The following KIAA0825 variants were observed in gnomAD, a reference collection of about 807,000 sequenced individuals.
The protein encoded by KIAA0825 is uncharacterized protein KIAA0825.
KIAA0825 carries 119 observed loss-of-function variants against 147.6 expected under a neutral mutation model. The observed-to-expected ratio is 0.81, with a 90% CI of 0.69 to 0.94. The LOEUF (loss-of-function observed/expected upper bound fraction) is 0.94. KIAA0825 is among the 40% of genes least tolerant of loss of function. KIAA0825 has a pLI of 0.00. For synonymous variants in KIAA0825, 470 were observed against 518.1 expected (o/e 0.91, Z 1.26); for missense variants, 1,381 against 1,472.7 (o/e 0.94, Z 1.02).
rs184647023 is a variant in KIAA0825, at chr5:94,164,430, T to A, written c.3711-10306A>T. ...CAGTGAACTTATTTTTTTTTTTTTT[T>A]AGACAGAGTCTCACTCTGTTGCCCA... On this transcript the variant is annotated intron_variant, in intron 20 of 20. Coordinates refer to ENST00000682413, the MANE Select transcript of KIAA0825 (RefSeq NM_001145678.3). Among the ~76,000 whole-genome samples, 2 of 150,644 alleles carry A rather than the reference T, an allele frequency of 1.3e-5. 1 individual carries two copies. The highest frequency in any genetic ancestry group is 3.0e-5 in the Non-Finnish European group (2 of 67,346).
At position 94,532,059 on chromosome 5, in the gene KIAA0825, T is replaced by C. The variant is rs1344093848; in HGVS notation, c.131+4937A>G. Among the ~76,000 whole-genome samples, 6 of 152,232 alleles carry C rather than the reference T, an allele frequency of 3.9e-5. No homozygotes were observed. In the South Asian group the frequency reaches 1.2e-3, roughly 31 times the overall value. The stretch of plus-strand genomic sequence containing the variant: ...TTATATAAAAAATAAGTGTAATCTA[T>C]GGAATATGTACCATCTCATTAATAG... On this transcript the variant is annotated intron_variant, in intron 3 of 20. Transcript: ENST00000682413.
chr5:94,330,641 G>A (rs160275), intron 20 of KIAA0825, among the ~76,000 whole-genome samples: 30,128 of 151,878 alleles, frequency 0.2, 3,477 homozygotes, highest in Middle Eastern at 0.26. Context: ...CTAAGATTAT[G>A]ATATAAGAAA....
At chr5:94,519,845 T>C (rs1174455597) in intron 5 of KIAA0825, 2 of 632,404 alleles carry the variant, frequency 3.2e-6, no homozygotes, top group Non-Finnish European at 3.9e-6. Flanking sequence ...AATGTACATA[T>C]ATATAACTGA....
intron 5 of KIAA0825, among the ~76,000 whole-genome samples, chr5:94,512,693 A>G (rs1554297065): frequency 6.6e-6 from 1 of 151,936 alleles, no homozygotes; most frequent in Non-Finnish European, 1.5e-5. Context: ...CAGGAGTTTG[A>G]GACCAGCCTG....
intron 20 of KIAA0825, among the ~76,000 whole-genome samples, chr5:94,256,474 G>A (rs1459725042): frequency 6.6e-6 from 1 of 152,066 alleles, no homozygotes; most frequent in Non-Finnish European, 1.5e-5. Flanking sequence ...TTTGTTAAAA[G>A]CTAGAAAAAA....
rs367776110 is a variant in KIAA0825, at chr5:94,538,280, T to C, written c.-1-1153A>G. On this transcript the variant is annotated intron_variant, in intron 2 of 20. Transcript: ENST00000682413. ...CAAGGACAGAGTGTGAGCTATTTTA[T>C]TTAGGAATATCAGGGAAGGTCTCTG... is the stretch of plus-strand genomic sequence containing the variant. Among the ~76,000 whole-genome samples, 76 of 152,302 alleles carry C rather than the reference T, an allele frequency of 5.0e-4. No homozygotes were observed. In the South Asian group the frequency reaches 0.015, roughly 31 times the overall value.
intron 20 of KIAA0825, among the ~76,000 whole-genome samples, chr5:94,297,792 C>G (rs1218878207): frequency 6.6e-6 from 1 of 151,614 alleles, no homozygotes; most frequent in Non-Finnish European, 1.5e-5. Flanking sequence ...GATAAGGTTT[C>G]ACTATGTTGG....
intron 20 of KIAA0825, among the ~76,000 whole-genome samples, chr5:94,307,663 TTTC>T (rs1414060047): frequency 1.3e-5 from 2 of 151,700 alleles, no homozygotes; most frequent in African/African-American, 4.8e-5. Flanking sequence ...CTAGATGAAG[TTTC>T]TTCCTTCAAA....
At position 94,158,002 on chromosome 5, in the gene KIAA0825, T is replaced by G. The variant is rs529431771; in HGVS notation, c.3711-3878A>C. Among the ~76,000 whole-genome samples, 5 of 152,312 alleles carry G rather than the reference T, an allele frequency of 3.3e-5. No homozygotes were observed. The South Asian group carries it at 1.0e-3, about 32-fold the overall frequency. On this transcript the variant is annotated intron_variant, in intron 20 of 20. Coordinates refer to ENST00000682413, the MANE Select transcript of KIAA0825 (RefSeq NM_001145678.3). Reference sequence around the variant, plus strand: ...TGTGAGGTGTTTGAGGCATTTACCCTTCCTTTTACTAGGAGAAAAACATTT... The same window carrying G: ...TGTGAGGTGTTTGAGGCATTTACCCGTCCTTTTACTAGGAGAAAAACATTT...
intron 1 of KIAA0825, among the ~76,000 whole-genome samples, chr5:94,614,422 T>C (rs1035978578): frequency 6.6e-6 from 1 of 152,216 alleles, no homozygotes; most frequent in Non-Finnish European, 1.5e-5. Context: ...ATCCTAGTTA[T>C]ACACACAGAT....
At chr5:94,429,093 A>T (rs1755292834) in intron 14 of KIAA0825, among the ~76,000 whole-genome samples, 1 of 151,748 alleles carries the variant, frequency 6.6e-6, no homozygotes, top group African/African-American at 2.4e-5. Flanking sequence ...AATTTCCTGG[A>T]TTGCTTTAGA....
At chr5:94,505,590 T>C (rs778205288) in intron 5 of KIAA0825, among the ~76,000 whole-genome samples, 58 of 152,172 alleles carry the variant, frequency 3.8e-4, no homozygotes, top group Non-Finnish European at 7.9e-4. Flanking sequence ...TGAAAGCTAA[T>C]TACATTCAGA....
At chr5:94,497,984 C>CATTTTAAT (rs780996341) in intron 5 of KIAA0825, among the ~76,000 whole-genome samples, 8 of 152,126 alleles carry the variant, frequency 5.3e-5, no homozygotes, top group Non-Finnish European at 1.5e-5. Flanking sequence ...AAAATTCACA[C>CATTTTAAT]TAGAATTTCC....
intron 12 of KIAA0825, among the ~76,000 whole-genome samples, chr5:94,453,339 ATTTTT>A (rs563316235): frequency 3.4e-5 from 4 of 118,236 alleles, no homozygotes; most frequent in Admixed American, 8.8e-5. Flanking sequence ...CGTGTGGCTG[ATTTTT>A]TTTTTTTTTT....
chr5:94,614,787 T>C (rs1377569089), intron 1 of KIAA0825, among the ~76,000 whole-genome samples: 2 of 152,204 alleles, frequency 1.3e-5, no homozygotes, highest in African/African-American at 2.4e-5. Context: ...TAATTATTTG[T>C]TTATATAACT....
At chr5:94,167,416 C>CTT in intron 20 of KIAA0825, among the ~76,000 whole-genome samples, 2 of 152,216 alleles carry the variant, frequency 1.3e-5, no homozygotes, top group East Asian at 3.9e-4. Flanking sequence ...TACTGAATCT[C>CTT]TAAAGTAGTT....
intron 20 of KIAA0825, among the ~76,000 whole-genome samples, chr5:94,256,321 GT>G (rs1776253516): frequency 6.6e-6 from 1 of 152,010 alleles, no homozygotes; most frequent in African/African-American, 2.4e-5. Flanking sequence ...TGGTATTGGG[GT>G]TCCTCAAAGA....
At chr5:94,613,288 G>A (rs551391570) in intron 1 of KIAA0825, among the ~76,000 whole-genome samples, 4 of 151,980 alleles carry the variant, frequency 2.6e-5, no homozygotes, top group South Asian at 2.1e-4. Flanking sequence ...TCCACCACCC[G>A]GGGTTCAAGT....
intron 3 of KIAA0825, among the ~76,000 whole-genome samples, chr5:94,526,582 T>C (rs1769322308): frequency 2.0e-5 from 3 of 151,972 alleles, no homozygotes; most frequent in African/African-American, 7.2e-5. Flanking sequence ...TGTGTATAAA[T>C]CAATTTATAA....
Sources: allele counts gnomAD v4.1 joint callset (sites outside exome capture counted in the v4.1 genomes callset), GRCh38; gene constraint gnomAD v4.1.1; transcripts MANE v1.5; gene names NCBI Gene and HGNC (gene_info 2026-07-23, HGNC 2026-07-21).